The following FBXL20 variants were observed in gnomAD, a reference collection of about 807,000 sequenced individuals.
The protein encoded by FBXL20 is F-box and leucine rich repeat protein 20, also known as F-box/LRR-repeat protein 20.
FBXL20 carries 11 observed loss-of-function variants against 64.0 expected under a neutral mutation model. The ratio of observed to expected loss-of-function variants is 0.17; its 90% CI spans 0.11 to 0.28. FBXL20 has a LOEUF of 0.28. Among genes scored for constraint, FBXL20 ranks in the 10% least tolerant of loss-of-function variants. The pLI is 1.00. For missense variants in FBXL20, 303 were observed against 526.2 expected, an observed-to-expected ratio of 0.58 and a Z score of 4.15; for synonymous variants, 184 against 189.0, an observed-to-expected ratio of 0.97 and a Z score of 0.22.
At chr17:39,367,710 T>G (rs2047874500) in intron 1 of FBXL20, among the ~76,000 whole-genome samples, 1 of 152,054 alleles carries the variant, frequency 6.6e-6, no homozygotes, top group Non-Finnish European at 1.5e-5. Flanking sequence ...GGACAGAGGA[T>G]TATCATATTT....
intron 12 of FBXL20, 127 bp downstream of exon 12, chr17:39,268,699 TG>T: frequency 1.4e-6 from 1 of 700,322 alleles, no homozygotes. Flanking sequence ...CCTTACTTAA[TG>T]GGGAATCTGC....
At chr17:39,311,999 T>C (rs2047239157) in intron 2 of FBXL20, among the ~76,000 whole-genome samples, 1 of 149,512 alleles carries the variant, frequency 6.7e-6, no homozygotes, top group Non-Finnish European at 1.5e-5. Flanking sequence ...TCTTAGAATG[T>C]CCTGAAGGGG....
At chr17:39,288,334 T>G (rs1297814562) in intron 6 of FBXL20, among the ~76,000 whole-genome samples, 1 of 152,214 alleles carries the variant, frequency 6.6e-6, no homozygotes, top group Non-Finnish European at 1.5e-5. Context: ...ATCCAAGACT[T>G]CAGCCCATTT....
intron 1 of FBXL20, among the ~76,000 whole-genome samples, chr17:39,397,217 A>G (rs1168624156): frequency 6.6e-6 from 1 of 152,082 alleles, no homozygotes; most frequent in Non-Finnish European, 1.5e-5. Context: ...GATTTTTGTT[A>G]CTTTGGATAA....
chr17:39,325,642 G>C (rs548902738), intron 2 of FBXL20, among the ~76,000 whole-genome samples: 2 of 152,188 alleles, frequency 1.3e-5, no homozygotes, highest in East Asian at 3.9e-4. Context: ...ACAGAATTTG[G>C]AGCAACCACA....
intron 1 of FBXL20, among the ~76,000 whole-genome samples, chr17:39,380,431 C>T (rs2048010837): frequency 6.6e-6 from 1 of 152,196 alleles, no homozygotes; most frequent in African/African-American, 2.4e-5. Context: ...TCTTAGAGTA[C>T]ATCAAGGACA....
Position 39,315,870 on chromosome 17 carries a change from A to AGAGAGC in FBXL20, c.105-12232_105-12231insGCTCTC, listed in dbSNP as rs1267884348. ...GAGAGAGAGAGAGAGAGAGAGAGAG[A>AGAGAGC]GCAACTGTAGAGCGAAATTGGTTAA... On this transcript the variant is annotated intron_variant, in intron 2 of 14. Transcript: ENST00000264658. Among the ~76,000 whole-genome samples, 115 of 139,384 alleles carry AGAGAGC rather than the reference A, an allele frequency of 8.3e-4. 1 individual carries two copies. The highest frequency in any genetic ancestry group is 3.8e-3 in the Middle Eastern group (1 of 264). The allele number at this position is 139,384 out of a possible 152,430, so 91.4% of individuals were successfully genotyped here. A position where few individuals can be genotyped will look rare whatever the true frequency, so the allele number is the denominator to read the frequency against.
chr17:39,276,044 C>T (rs1277812638), intron 9 of FBXL20, among the ~76,000 whole-genome samples: 4 of 149,636 alleles, frequency 2.7e-5, no homozygotes, highest in African/African-American at 4.9e-5. Context: ...GTCGGGAGTT[C>T]GAGACCAGCC....
At chr17:39,300,646 A>G (rs1432018064) in intron 4 of FBXL20, among the ~76,000 whole-genome samples, 1 of 152,194 alleles carries the variant, frequency 6.6e-6, no homozygotes, top group Non-Finnish European at 1.5e-5. Context: ...CGCCATCCCA[A>G]CAAGTTATAA....
intron 1 of FBXL20, among the ~76,000 whole-genome samples, chr17:39,373,580 G>A (rs534581855): frequency 5.9e-5 from 9 of 152,308 alleles, no homozygotes; most frequent in African/African-American, 2.2e-4. Flanking sequence ...GCAAGGATGA[G>A]GAATGCTTTT....
At chr17:39,381,024 G>C (rs1421779041) in intron 1 of FBXL20, among the ~76,000 whole-genome samples, 1 of 152,112 alleles carries the variant, frequency 6.6e-6, no homozygotes, top group Non-Finnish European at 1.5e-5. Context: ...GCAGGGCGTG[G>C]TGGCAGGCAC....
chr17:39,275,442 C>T (rs902011176), intron 9 of FBXL20, among the ~76,000 whole-genome samples: 19 of 151,948 alleles, frequency 1.3e-4, no homozygotes, highest in African/African-American at 4.4e-4. Context: ...GATAGAGTCT[C>T]ACTCTATCAC....
intron 12 of FBXL20, among the ~76,000 whole-genome samples, chr17:39,267,742 C>T (rs1172951024): frequency 6.6e-6 from 1 of 152,118 alleles, no homozygotes; most frequent in Admixed American, 6.6e-5. Context: ...CTACACATAG[C>T]TTCACAGGGG....
intron 2 of FBXL20, among the ~76,000 whole-genome samples, chr17:39,336,229 G>A (rs1199026199): frequency 6.6e-6 from 1 of 152,074 alleles, no homozygotes; most frequent in Non-Finnish European, 1.5e-5. Flanking sequence ...GAAATAATAT[G>A]GTCCTAACAA....
intron 2 of FBXL20, among the ~76,000 whole-genome samples, chr17:39,319,589 G>A (rs892605757): frequency 1.3e-5 from 2 of 149,080 alleles, no homozygotes; most frequent in African/African-American, 5.0e-5. Flanking sequence ...GGAGGCTGAG[G>A]CAGGACAATT....
chr17:39,383,018 C>T (rs998257799), intron 1 of FBXL20, among the ~76,000 whole-genome samples: 1 of 151,260 alleles, frequency 6.6e-6, no homozygotes, highest in Admixed American at 6.6e-5. Context: ...AAAAAATTAG[C>T]TTTGCATGGT....
intron 9 of FBXL20, among the ~76,000 whole-genome samples, chr17:39,281,039 C>T (rs1018619029): frequency 3.9e-5 from 6 of 152,194 alleles, no homozygotes; most frequent in Non-Finnish European, 8.8e-5. Flanking sequence ...GCTGGGATTA[C>T]AGGCATGAGC....
intron 1 of FBXL20, among the ~76,000 whole-genome samples, chr17:39,366,985 C>T (rs1178390698): frequency 6.6e-6 from 1 of 151,404 alleles, no homozygotes; most frequent in African/African-American, 2.4e-5. Context: ...TGGGTTCACG[C>T]TATTCTGCTG....
chr17:39,299,642 G>A (rs1055320506), intron 4 of FBXL20, among the ~76,000 whole-genome samples: 5 of 152,102 alleles, frequency 3.3e-5, no homozygotes, highest in Non-Finnish European at 2.9e-5. Context: ...CTAGCCGGGC[G>A]TGATGGTGGG....
Sources: allele counts gnomAD v4.1 joint callset (sites outside exome capture counted in the v4.1 genomes callset), GRCh38; gene constraint gnomAD v4.1.1; transcripts MANE v1.5; gene names NCBI Gene and HGNC (gene_info 2026-07-23, HGNC 2026-07-21).